The following CEP63 variants were observed in gnomAD, a reference collection of about 807,000 sequenced individuals.
The protein encoded by CEP63 is centrosomal protein of 63 kDa.
In CEP63, 84 loss-of-function variants were observed where a neutral mutation model predicts 89.1. The ratio of observed to expected loss-of-function variants is 0.94; its 90% CI spans 0.79 to 1.13. The LOEUF is 1.13. Among genes scored for constraint, CEP63 ranks in the 50% most tolerant of loss-of-function variants. The pLI, the probability that CEP63 is intolerant of heterozygous loss-of-function variation, is 0.00. For missense variants in CEP63, 838 were observed against 813.3 expected (o/e 1.03, Z -0.37); for synonymous variants, 267 against 272.5 (o/e 0.98, Z 0.20).
At chr3:134,587,222 G>GT (rs56226402) in intron 10 of CEP63, among the ~76,000 whole-genome samples, 3 of 151,744 alleles carry the variant, frequency 2.0e-5, no homozygotes, top group South Asian at 2.1e-4. Flanking sequence ...TCTCTGTCCA[G>GT]TTTTTTTCCG....
the CEP63 span, among the ~76,000 whole-genome samples, chr3:134,699,827 A>C: frequency 6.6e-6 from 1 of 152,240 alleles, no homozygotes; most frequent in African/African-American, 2.4e-5. Flanking sequence ...CAGATGTCTT[A>C]ATCATGACTT....
the CEP63 span, among the ~76,000 whole-genome samples, chr3:134,694,867 A>G: frequency 1.3e-5 from 2 of 152,136 alleles, no homozygotes; most frequent in African/African-American, 4.8e-5. Flanking sequence ...CAGATAGAGA[A>G]CCAAGCGTTT....
chr3:134,549,896 G>A (rs1013587494), intron 10 of CEP63, among the ~76,000 whole-genome samples, 167 bp from the exon 11 acceptor site: 1 of 152,180 alleles, frequency 6.6e-6, no homozygotes, highest in Non-Finnish European at 1.5e-5. Flanking sequence ...CTGACCTTCA[G>A]TACAGATATG....
the CEP63 span, among the ~76,000 whole-genome samples, chr3:134,656,287 G>A: frequency 2.6e-5 from 4 of 152,190 alleles, no homozygotes; most frequent in African/African-American, 9.7e-5. Context: ...GGAAATAGGA[G>A]GAGCTGGAAG....
the CEP63 span, among the ~76,000 whole-genome samples, chr3:134,730,291 C>T: frequency 7.2e-5 from 11 of 152,248 alleles, no homozygotes; most frequent in South Asian, 1.9e-3. Flanking sequence ...TGCTTGGCAG[C>T]TATTTGCTCA....
chr3:134,617,207 G>GA, the CEP63 span, among the ~76,000 whole-genome samples: 1 of 152,094 alleles, frequency 6.6e-6, no homozygotes, highest in Non-Finnish European at 1.5e-5. Context: ...CTGGAACTTG[G>GA]AAAAAATGCT....
chr3:134,545,806 A>C lies in CEP63; in HGVS notation c.776A>C (p.Glu259Ala). 1 of 1,611,620 alleles carries C rather than the reference A, an allele frequency of 6.2e-7. No homozygotes were observed. Among genetic ancestry groups the C allele is most frequent in the Middle Eastern group, 1.6e-4 (1 of 6,062 alleles). The part of the protein sequence containing the change: ...QQKEEKLRES[E>A]KLLEALQEEK... ...AAAGAAGAAAAATTGAGGGAATCTG[A>C]AAAACTATTAGAGGTATGTTTTAAA... The change falls in exon 7 of 15, where the codon GAA (glutamate) becomes GCA (alanine). Residue 259 changes from glutamate to alanine, a missense_variant. Glu to Ala is a moderately radical substitution (Grantham distance 107). Transcript: ENST00000675561.
chr3:134,547,619 T>TTTTTTC, intron 9 of CEP63, 147 bp downstream of exon 9: 1 of 463,016 alleles, frequency 2.2e-6, no homozygotes. Flanking sequence ...TATTTCTTTT[T>TTTTTTC]TTTTTTTTTT....
At chr3:134,571,095 G>A (rs1957989924) in intron 11 of CEP63, among the ~76,000 whole-genome samples, 1 of 152,208 alleles carries the variant, frequency 6.6e-6, no homozygotes, top group Non-Finnish European at 1.5e-5. Flanking sequence ...TGAGATTTGG[G>A]CAGAGACACA....
chr3:134,715,913 A>G, the CEP63 span, among the ~76,000 whole-genome samples: 4 of 152,172 alleles, frequency 2.6e-5, no homozygotes, highest in Admixed American at 6.5e-5. Context: ...AATATTTTCA[A>G]TTAAGCTCCT....
At chr3:134,689,235 A>G in the CEP63 span, among the ~76,000 whole-genome samples, 2 of 151,960 alleles carry the variant, frequency 1.3e-5, no homozygotes, top group Non-Finnish European at 1.5e-5. Flanking sequence ...TTTCTGTGCC[A>G]TAGCCAAAAT....
At chr3:134,690,743 A>ATT in the CEP63 span, among the ~76,000 whole-genome samples, 51 of 120,788 alleles carry the variant, frequency 4.2e-4, 1 homozygote, top group African/African-American at 1.5e-3. Flanking sequence ...GAAGACCAAG[A>ATT]TTTTTTTTTT....
chr3:134,533,508 A>G (rs570328102), intron 5 of CEP63, among the ~76,000 whole-genome samples: 106 of 152,320 alleles, frequency 7.0e-4, no homozygotes, highest in African/African-American at 2.5e-3. Flanking sequence ...CTTTGTTTTT[A>G]TTAAGACTGA....
At chr3:134,558,373 A>G (rs779549997) in intron 13 of CEP63, 26 bp downstream of exon 13, 1 of 1,376,446 alleles carries the variant, frequency 7.3e-7, no homozygotes, top group South Asian at 1.2e-5. Context: ...AGTTTATTTA[A>G]AATGTGTATT....
the CEP63 span, among the ~76,000 whole-genome samples, chr3:134,636,052 A>G: frequency 6.6e-6 from 1 of 152,206 alleles, no homozygotes; most frequent in Non-Finnish European, 1.5e-5. Context: ...AGCTTTTTAC[A>G]GTTTTGCTAT....
At chr3:134,568,920 C>G (rs1957900117), downstream of CEP63, among the ~76,000 whole-genome samples, 1 of 152,188 alleles carries the variant, frequency 6.6e-6, no homozygotes, top group Non-Finnish European at 1.5e-5. Context: ...CTTACAGTTC[C>G]ACGTGGCTGA....
chr3:134,579,628 T>C (rs895461632), downstream of CEP63, among the ~76,000 whole-genome samples: 2 of 152,214 alleles, frequency 1.3e-5, no homozygotes, highest in Non-Finnish European at 2.9e-5. Flanking sequence ...TTTAATTGGG[T>C]TGTTTATTTT....
At chr3:134,620,341 C>T in the CEP63 span, among the ~76,000 whole-genome samples, 1 of 152,172 alleles carries the variant, frequency 6.6e-6, no homozygotes, top group South Asian at 2.1e-4. Flanking sequence ...ATTTAATGAA[C>T]CCTCTGGTAT....
Position 134,551,956 on chromosome 3 carries a change from T to G in CEP63, c.1411T>G (p.Leu471Val), listed in dbSNP as rs1954961440. Reference protein sequence around the residue: ...EILDQLESLKLENRHLSEMVM... With the variant: ...EILDQLESLKVENRHLSEMVM... ...TTTGGATCAGCTGGAGTCACTCAAATTAGAAAATCGTCATCTTTCTGAAAT... is the reference window on the plus strand; with the variant it reads ...TTTGGATCAGCTGGAGTCACTCAAAGTAGAAAATCGTCATCTTTCTGAAAT... Residue 471 changes from leucine (L) to valine (V), a missense_variant, in exon 12 of 15, where the codon TTA becomes GTA. Transcript: ENST00000675561. 1 of 1,609,884 alleles carries G rather than the reference T, an allele frequency of 6.2e-7. No individual in the cohort carries two copies. Among genetic ancestry groups the G allele is most frequent in the South Asian group, 1.1e-5 (1 of 90,616 alleles).
Sources: allele counts gnomAD v4.1 joint callset (sites outside exome capture counted in the v4.1 genomes callset), GRCh38; gene constraint gnomAD v4.1.1; transcripts MANE v1.5; gene names NCBI Gene and HGNC (gene_info 2026-07-23, HGNC 2026-07-21).